DLG2: variants seen among roughly 807,000 people sequenced by gnomAD.
DLG2 encodes disks large homolog 2.
Under a neutral mutation model 132.5 loss-of-function variants are expected in DLG2, and 45 were observed. The ratio of observed to expected loss-of-function variants is 0.34; its 90% confidence interval spans 0.27 to 0.44. The LOEUF (loss-of-function observed/expected upper bound fraction) is 0.44, where lower values mean the gene tolerates loss of function less well. Among genes scored for constraint, DLG2 ranks in the 20% least tolerant of loss-of-function variants. The pLI is 1.00. For synonymous variants in DLG2, 424 were observed against 419.6 expected, an observed-to-expected ratio of 1.01 and a Z score of -0.13; for missense variants, 1,045 against 1,196.9, an observed-to-expected ratio of 0.87 and a Z score of 1.87.
chr11:84,552,489 T>A (rs1441795949), intron 6 of DLG2, among the ~76,000 whole-genome samples: 2 of 152,192 alleles, frequency 1.3e-5, no homozygotes, highest in African/African-American at 4.8e-5. Flanking sequence ...ATGACAATCT[T>A]TCCAGGAGCC....
intron 20 of DLG2, among the ~76,000 whole-genome samples, chr11:83,537,289 G>A (rs1444787841): frequency 6.6e-6 from 1 of 152,154 alleles, no homozygotes; most frequent in Non-Finnish European, 1.5e-5. Flanking sequence ...CCATAATTGG[G>A]TCAGGCTTGG....
rs755947125 is a variant in DLG2, at chr11:83,841,604, C to G, written c.1566-7834G>C. ...AGCAACTTCAGGGCAGAGACCCATA[C>G]AAAACGACATACGTTGGCATTTGCT... On this transcript the variant is annotated intron_variant, in intron 16 of 27. Coordinates refer to ENST00000376104, the MANE Select transcript of DLG2 (RefSeq NM_001142699.3). Among the ~76,000 whole-genome samples, 15 of 152,288 alleles carry G rather than the reference C, an allele frequency of 9.8e-5. No individual in the cohort carries two copies. The East Asian group carries it at 2.9e-3, about 29-fold the overall frequency.
chr11:85,046,371 T>C (rs2062347382), intron 6 of DLG2, among the ~76,000 whole-genome samples: 2 of 151,932 alleles, frequency 1.3e-5, no homozygotes, highest in Non-Finnish European at 2.9e-5. Flanking sequence ...AATTTGAGCA[T>C]AGAAATGGAA....
chr11:83,635,865 G>T (rs531626958), intron 18 of DLG2, among the ~76,000 whole-genome samples: 1 of 152,066 alleles, frequency 6.6e-6, no homozygotes, highest in East Asian at 1.9e-4. Flanking sequence ...TTGGCAGCAG[G>T]TTAGCAGAGC....
At chr11:84,250,129 A>C (rs1291780928) in intron 8 of DLG2, among the ~76,000 whole-genome samples, 1 of 152,206 alleles carries the variant, frequency 6.6e-6, no homozygotes, top group East Asian at 1.9e-4. Flanking sequence ...CAGTGTTTGC[A>C]CTTTTGAAAA....
intron 6 of DLG2, among the ~76,000 whole-genome samples, chr11:84,878,483 A>C (rs1008516492): frequency 6.6e-6 from 1 of 152,106 alleles, no homozygotes; most frequent in African/African-American, 2.4e-5. Context: ...TCATGTTCTC[A>C]CTCATAAGTG....
At chr11:85,020,373 A>G (rs1020136399) in intron 6 of DLG2, among the ~76,000 whole-genome samples, 2 of 152,188 alleles carry the variant, frequency 1.3e-5, no homozygotes, top group Admixed American at 1.3e-4. Context: ...GCCCTTTGTC[A>G]GATGGGTAGA....
At chr11:84,985,026 C>T (rs1246367708) in intron 6 of DLG2, among the ~76,000 whole-genome samples, 1 of 152,130 alleles carries the variant, frequency 6.6e-6, no homozygotes, top group African/African-American at 2.4e-5. Flanking sequence ...GACAGCAACA[C>T]AACAATATTG....
intron 3 of DLG2, among the ~76,000 whole-genome samples, chr11:85,299,277 A>G (rs924879464): frequency 6.6e-6 from 1 of 152,206 alleles, no homozygotes; most frequent in Non-Finnish European, 1.5e-5. Flanking sequence ...GAGCTGGGAT[A>G]GGAACTAGGT....
chr11:84,492,277 T>G (rs1301504229), intron 7 of DLG2, among the ~76,000 whole-genome samples: 1 of 152,140 alleles, frequency 6.6e-6, no homozygotes, highest in Non-Finnish European at 1.5e-5. Context: ...ATGATTTGAT[T>G]TGTTTAACTA....
chr11:85,197,731 C>T (rs2081173117), intron 4 of DLG2, among the ~76,000 whole-genome samples: 1 of 152,118 alleles, frequency 6.6e-6, no homozygotes, highest in African/African-American at 2.4e-5. Flanking sequence ...AGGACCTAAG[C>T]ACTGAACCAA....
intron 6 of DLG2, among the ~76,000 whole-genome samples, chr11:84,734,569 C>G (rs149025299): frequency 0.018 from 2,670 of 152,268 alleles, 73 homozygotes; most frequent in African/African-American, 0.061. Context: ...GATATCCAAT[C>G]ATGTCATCTG....
chr11:84,019,643 T>C (rs1354734833), intron 11 of DLG2, among the ~76,000 whole-genome samples: 5 of 152,152 alleles, frequency 3.3e-5, no homozygotes, highest in Non-Finnish European at 5.9e-5. Context: ...TGGTCCCTAA[T>C]CCAATGAAAC....
intron 3 of DLG2, among the ~76,000 whole-genome samples, chr11:85,323,912 CTT>C (rs888890822): frequency 6.6e-6 from 1 of 152,160 alleles, no homozygotes; most frequent in African/African-American, 2.4e-5. Flanking sequence ...TTGATGGACA[CTT>C]TGCCAATTCA....
intron 3 of DLG2, among the ~76,000 whole-genome samples, chr11:85,530,981 C>A (rs904228294): frequency 6.6e-6 from 1 of 152,200 alleles, no homozygotes; most frequent in African/African-American, 2.4e-5. Flanking sequence ...TAGAGGCTTT[C>A]TGCCCTCCCC....
At chr11:85,216,622 G>A (rs1451370548) in intron 4 of DLG2, among the ~76,000 whole-genome samples, 1 of 152,054 alleles carries the variant, frequency 6.6e-6, no homozygotes, top group East Asian at 1.9e-4. Flanking sequence ...GATTTAGGTA[G>A]GTACCTGAAT....
intron 4 of DLG2, among the ~76,000 whole-genome samples, chr11:85,246,128 T>C (rs759314000): frequency 1.3e-5 from 2 of 152,150 alleles, no homozygotes; most frequent in East Asian, 3.9e-4. Context: ...TATGAGGATG[T>C]GAATTATAAA....
chr11:85,206,698 T>A (rs1310508374), intron 4 of DLG2, among the ~76,000 whole-genome samples: 1 of 152,128 alleles, frequency 6.6e-6, no homozygotes, highest in East Asian at 1.9e-4. Flanking sequence ...CTGGGCGTGG[T>A]GGTAGGCACC....
chr11:85,536,719 C>CG (rs1267947692), intron 3 of DLG2, among the ~76,000 whole-genome samples: 1 of 152,224 alleles, frequency 6.6e-6, no homozygotes, highest in Non-Finnish European at 1.5e-5. Flanking sequence ...CTCAGGGCAG[C>CG]GGGCTGATGC....
Sources: allele counts gnomAD v4.1 joint callset (sites outside exome capture counted in the v4.1 genomes callset), GRCh38; gene constraint gnomAD v4.1.1; transcripts MANE v1.5; gene names NCBI Gene and HGNC (gene_info 2026-07-23, HGNC 2026-07-21).